The following XRN1 variants were observed in gnomAD, a reference collection of about 807,000 sequenced individuals.
The protein encoded by XRN1 is 5'-3' exoribonuclease 1.
XRN1 carries 67 observed loss-of-function variants against 222.3 expected under a neutral mutation model. The observed-to-expected ratio is 0.30, with a 90% CI of 0.25 to 0.37. XRN1 has a LOEUF of 0.37. Ranked by LOEUF, XRN1 falls within the 10% of genes least tolerant of loss-of-function variation. XRN1 has a pLI of 1.00. For synonymous variants in XRN1, 643 were observed against 652.4 expected, an observed-to-expected ratio of 0.99 and a Z score of 0.22; for missense variants, 1,707 against 2,000.2, an observed-to-expected ratio of 0.85 and a Z score of 2.80.
chr3:142,314,107 C>A (rs1292872080), intron 39 of XRN1, among the ~76,000 whole-genome samples: 1 of 152,202 alleles, frequency 6.6e-6, no homozygotes, highest in African/African-American at 2.4e-5. Context: ...TCAACTGGGA[C>A]ATTTTACATC....
chr3:142,423,499 G>T, intron 6 of XRN1, 61 bp downstream of exon 6: 1 of 1,371,098 alleles, frequency 7.3e-7, no homozygotes, highest in Non-Finnish European at 1.0e-6. Flanking sequence ...ACATGTATCT[G>T]TTAAAGAATT....
chr3:142,322,556 T>C (rs183738276), intron 37 of XRN1, among the ~76,000 whole-genome samples: 25 of 152,086 alleles, frequency 1.6e-4, no homozygotes, highest in African/African-American at 5.5e-4. Flanking sequence ...TGGGGTTGCA[T>C]GTGCCTGTAG....
chr3:142,322,769 C>G lies in XRN1; in HGVS notation c.4405-3866G>C, dbSNP rs186171471. Among the ~76,000 whole-genome samples the G allele has an allele frequency of 1.8e-3, 280 of 152,128 alleles. 1 individual carries two copies. Among genetic ancestry groups the G allele is most frequent in the African/African-American group, 6.5e-3 (270 of 41,506 alleles). On this transcript the variant is annotated intron_variant, in intron 37 of 40. Coordinates refer to ENST00000392981, the MANE Select transcript of XRN1 (RefSeq NM_001282857.2). ...CCTATAATCCCAGCACTTTGGGAGG[C>G]CGAGGCAGGTGGATCACGAGGTAAG...
rs749433491 is a variant in XRN1, at chr3:142,365,337, T to C, written c.3234A>G (p.Val1078=). Residue 1078 remains valine, a synonymous_variant, in exon 28 of 41, where the codon GTA becomes GTG. Transcript: ENST00000392981. ...TGTATAGCAAATGGGGTTTCACTGT[T>C]ACTCGCACCTTCTTATTATTCTTTC... ...KQRKNNKKVR[V]TVKPHLLYRP... 7.0e-6 allele frequency: 11 copies of C among 1,579,298 alleles called. No individual in the cohort carries two copies. Among genetic ancestry groups the C allele is most frequent in the Admixed American group, 6.9e-5 (4 of 58,256 alleles).
intron 31 of XRN1, 81 bp from the exon 32 acceptor site, chr3:142,355,577 A>G: frequency 1.1e-6 from 1 of 945,380 alleles, no homozygotes; most frequent in Non-Finnish European, 1.6e-6. Flanking sequence ...TAATTCATCT[A>G]TTAATGTTAT....
intron 26 of XRN1, 143 bp from the exon 27 acceptor site, chr3:142,370,763 T>A (rs1161875985): frequency 1.6e-6 from 1 of 607,206 alleles, no homozygotes; most frequent in East Asian, 3.4e-5. Flanking sequence ...AATATGGACA[T>A]GTTACCTCTT....
intron 23 of XRN1, 93 bp downstream of exon 23, chr3:142,379,989 A>T (rs1315238363): frequency 1.1e-6 from 1 of 905,608 alleles, no homozygotes; most frequent in African/African-American, 1.7e-5. Context: ...TAAATAAAAT[A>T]TCTGAAATAA....
chr3:142,435,397 CAA>C (rs762429201), intron 1 of XRN1: 30 of 98,010 alleles, frequency 3.1e-4, no homozygotes, highest in Admixed American at 4.2e-4. Flanking sequence ...GACTCTGTAT[CAA>C]AAAAAAAAAA....
At chr3:142,312,956 A>T (rs2065116774) in intron 39 of XRN1, among the ~76,000 whole-genome samples, 198 bp from the exon 40 acceptor site, 1 of 152,114 alleles carries the variant, frequency 6.6e-6, no homozygotes, top group African/African-American at 2.4e-5. Flanking sequence ...TGGACTATCT[A>T]CACAAATGAA....
At chr3:142,313,325 C>T (rs972602824) in intron 39 of XRN1, 5 of 843,098 alleles carry the variant, frequency 5.9e-6, no homozygotes. Flanking sequence ...CAATGGGTGC[C>T]AAATCTAATT....
At chr3:142,414,895 A>C (rs1419510366) in intron 13 of XRN1, among the ~76,000 whole-genome samples, 1 of 152,186 alleles carries the variant, frequency 6.6e-6, no homozygotes, top group African/African-American at 2.4e-5. Flanking sequence ...TAATTCTCAA[A>C]ATGTTGATAG....
In XRN1 at chr3:142,336,756, C is replaced by T. The variant is rs547209051; in HGVS notation, c.3878-1247G>A. On this transcript the variant is annotated intron_variant, in intron 33 of 40. Coordinates refer to ENST00000392981, the MANE Select transcript of XRN1 (RefSeq NM_001282857.2). ...AACACTAAACATTTGTTGAGACATA[C>T]ACAAAAGAAAACTAACTGGAACTCC... is the stretch of plus-strand genomic sequence containing the variant. 7.9e-5 allele frequency among the ~76,000 whole-genome samples: 12 copies of T among 152,172 alleles called. No individual in the cohort carries two copies. In the South Asian group the frequency reaches 2.5e-3, roughly 32 times the overall value.
intron 20 of XRN1, among the ~76,000 whole-genome samples, chr3:142,387,500 T>C (rs2067550266): frequency 6.6e-6 from 1 of 152,184 alleles, no homozygotes; most frequent in Admixed American, 6.5e-5. Context: ...TCCATATGTA[T>C]ACAGCCATTC....
chr3:142,365,890 A>G (rs1045171641), intron 27 of XRN1, among the ~76,000 whole-genome samples: 3 of 152,218 alleles, frequency 2.0e-5, no homozygotes, highest in Non-Finnish European at 2.9e-5. Context: ...ATATTTTTAA[A>G]AAGTATCAAG....
chr3:142,414,413 C>T, intron 13 of XRN1, 122 bp from the exon 14 acceptor site: 1 of 684,204 alleles, frequency 1.5e-6, no homozygotes, highest in Non-Finnish European at 2.1e-6. Context: ...TAGTACTGCC[C>T]ATAATTCTAC....
At chr3:142,379,987 A>G (rs2067254107) in intron 23 of XRN1, 95 bp downstream of exon 23, 2 of 892,374 alleles carry the variant, frequency 2.2e-6, no homozygotes, top group East Asian at 5.4e-5. Flanking sequence ...ATTAAATAAA[A>G]TATCTGAAAT....
intron 2 of XRN1, among the ~76,000 whole-genome samples, chr3:142,431,896 TATATATTATATATATAAATATATATA>T (rs2069577187): frequency 8.2e-5 from 4 of 49,048 alleles, no homozygotes; most frequent in South Asian, 3.8e-4. Context: ...ATATATAATA[TATATATTATATATATAAATATATATA>T]ATATAATATA....
chr3:142,406,435 G>A (rs2068343112), intron 15 of XRN1, among the ~76,000 whole-genome samples: 1 of 152,204 alleles, frequency 6.6e-6, no homozygotes, highest in Admixed American at 6.5e-5. Context: ...TCTTGACACT[G>A]CTCTTGGCAA....
Position 142,400,528 on chromosome 3 carries a change from G to A in XRN1, c.2123C>T (p.Ser708Leu). 7 of 1,611,262 alleles carry A rather than the reference G, an allele frequency of 4.3e-6. No homozygotes were observed. Among genetic ancestry groups the A allele is most frequent in the Non-Finnish European group, 5.9e-6 (7 of 1,178,474 alleles). ...SDELTVENVA[S>L]SVLGKSVFVN... ...AAAGACAGATTTTCCAAGCACTGAT[G>A]AAGCTACATTTTCTACGGTCTTAAA... The change falls in exon 19 of 41, where the codon TCA (serine) becomes TTA (leucine). Residue 708 changes from serine to leucine, a missense_variant. This residue lies in a region of XRN1 where 1,234 missense variants were observed against 1,518.2 expected (regional missense o/e 0.81). Transcript: ENST00000392981.
Sources: gnomAD v4.1 joint callset for allele counts (sites outside exome capture counted in the v4.1 genomes callset) on GRCh38, gnomAD v4.1.1 for gene constraint, gnomAD v4.1.1 regional missense constraint, MANE v1.5 for transcripts, NCBI Gene and HGNC (gene_info 2026-07-23, HGNC 2026-07-21) for gene names.